The following FGD3 variants were observed in gnomAD, a reference collection of about 807,000 sequenced individuals.
FGD3 encodes FYVE, RhoGEF and PH domain-containing protein 3.
Under a neutral mutation model 71.8 loss-of-function variants are expected in FGD3, and 45 were observed. That is an observed-to-expected ratio of 0.63 (90% CI 0.49 to 0.80). The LOEUF (loss-of-function observed/expected upper bound fraction) is 0.80. FGD3 is among the 30% of genes least tolerant of loss of function. The probability of loss-of-function intolerance (pLI) is 0.00; values close to 1 mark genes in which losing one functional copy is unlikely to be tolerated. For missense variants in FGD3, 844 were observed against 951.5 expected, an observed-to-expected ratio of 0.89 and a Z score of 1.49; for synonymous variants, 378 against 392.8, an observed-to-expected ratio of 0.96 and a Z score of 0.44.
intron 1 of FGD3, among the ~76,000 whole-genome samples, chr9:92,964,695 A>G (rs752377467): frequency 3.3e-5 from 5 of 152,150 alleles, no homozygotes; most frequent in Non-Finnish European, 5.9e-5. Flanking sequence ...CCGTGTCCCC[A>G]TCGAAGGCTG....
chr9:92,985,272 C>G (rs1587831511), intron 3 of FGD3, among the ~76,000 whole-genome samples: 1 of 152,328 alleles, frequency 6.6e-6, no homozygotes, highest in African/African-American at 2.4e-5. Flanking sequence ...AGTAGTTAAG[C>G]CTGCCTCTGG....
chr9:92,961,176 T>C (rs1191265253), intron 1 of FGD3, among the ~76,000 whole-genome samples: 1 of 152,128 alleles, frequency 6.6e-6, no homozygotes, highest in African/African-American at 2.4e-5. Context: ...TGGGGGTCCC[T>C]GGGACAAAGC....
intron 6 of FGD3, among the ~76,000 whole-genome samples, chr9:93,008,731 A>G (rs1861171496): frequency 6.6e-6 from 1 of 152,220 alleles, no homozygotes; most frequent in Non-Finnish European, 1.5e-5. Context: ...TGGGAGGCCC[A>G]GGTGGGCGGA....
At chr9:92,964,323 G>A (rs1859236570) in intron 1 of FGD3, 1 of 152,244 alleles carries the variant, frequency 6.6e-6, no homozygotes. Flanking sequence ...GTTCAGCCCA[G>A]AGGAGAAACT....
At position 93,019,751 on chromosome 9, in the gene FGD3, G is replaced by A. The variant is rs371717817; in HGVS notation, c.1356-80G>A. 3.7e-6 allele frequency: 5 copies of A among 1,350,024 alleles called. No homozygotes were observed. In the African/African-American group the frequency reaches 7.2e-5, roughly 19 times the overall value. The allele number at this position is 1,350,024 out of a possible 1,614,324, so 83.6% of individuals were successfully genotyped here. A position where few individuals can be genotyped will look rare whatever the true frequency, so the allele number is the denominator to read the frequency against. On this transcript the variant is annotated intron_variant, in intron 11 of 17. Transcript: ENST00000375482. ...ACAAGCCAGTGCGTGGCTCGGGTGT[G>A]CTGCAGGGTTGAGAGAGGGCTGGTC...
At chr9:93,015,323 G>T (rs966062240) in intron 9 of FGD3, among the ~76,000 whole-genome samples, 1 of 152,134 alleles carries the variant, frequency 6.6e-6, no homozygotes, top group Non-Finnish European at 1.5e-5. Flanking sequence ...GGGCGTGGTA[G>T]CACCCGCCTG....
intron 1 of FGD3, among the ~76,000 whole-genome samples, chr9:92,951,661 C>T (rs1305097931): frequency 1.3e-5 from 2 of 152,126 alleles, no homozygotes; most frequent in African/African-American, 2.4e-5. Context: ...GGTGACAGAG[C>T]GAGACCCTGT....
At chr9:93,004,701 C>T (rs947513611) in intron 5 of FGD3, among the ~76,000 whole-genome samples, 1 of 152,052 alleles carries the variant, frequency 6.6e-6, no homozygotes, top group Admixed American at 6.5e-5. Context: ...TTCTGGGTGC[C>T]GCTGCTGTTT....
At chr9:93,000,827 C>T (rs1860832263) in intron 3 of FGD3, among the ~76,000 whole-genome samples, 1 of 152,164 alleles carries the variant, frequency 6.6e-6, no homozygotes, top group South Asian at 2.1e-4. Context: ...AAGTCCATTG[C>T]TTTCCTCAAA....
intron 1 of FGD3, among the ~76,000 whole-genome samples, chr9:92,956,559 A>T (rs1859053803): frequency 6.6e-6 from 1 of 152,220 alleles, no homozygotes; most frequent in Non-Finnish European, 1.5e-5. Context: ...ATGGCTGCCT[A>T]CAAGCCAGGG....
At chr9:92,987,115 T>C (rs549328863) in intron 3 of FGD3, among the ~76,000 whole-genome samples, 1 of 152,218 alleles carries the variant, frequency 6.6e-6, no homozygotes, top group South Asian at 2.1e-4. Flanking sequence ...TATGGGTTTT[T>C]GGAAAACAAC....
chr9:93,028,000 C>T (rs1368540757), intron 14 of FGD3, among the ~76,000 whole-genome samples: 6 of 152,004 alleles, frequency 3.9e-5, no homozygotes, highest in South Asian at 2.1e-4. Flanking sequence ...ATTACATGTG[C>T]GAGCCACTGC....
At chr9:92,960,130 CTGTGTCTT>C (rs937872871) in intron 1 of FGD3, among the ~76,000 whole-genome samples, 21 of 151,930 alleles carry the variant, frequency 1.4e-4, no homozygotes, top group African/African-American at 1.9e-4. Context: ...TGTCATGTCC[CTGTGTCTT>C]CATGTCTTCA....
intron 3 of FGD3, among the ~76,000 whole-genome samples, chr9:92,997,186 T>C (rs991389209): frequency 3.9e-5 from 6 of 152,232 alleles, no homozygotes; most frequent in African/African-American, 1.4e-4. Context: ...ATATTTAGGA[T>C]AGTTAGCTCT....
intron 3 of FGD3, among the ~76,000 whole-genome samples, chr9:92,990,846 T>C (rs1017148740): frequency 6.6e-6 from 1 of 152,212 alleles, no homozygotes; most frequent in Non-Finnish European, 1.5e-5. Flanking sequence ...GATTTTTTCA[T>C]CTATGTTCAT....
chr9:92,963,842 C>T (rs1859221659), intron 1 of FGD3: 2 of 152,226 alleles, frequency 1.3e-5, no homozygotes, highest in Admixed American at 6.5e-5. Context: ...TGCAGGGGGC[C>T]TCTTCACCTT....
At position 93,035,538 on chromosome 9, in the gene FGD3, C is replaced by G. The variant is rs1862565554; in HGVS notation, c.2127C>G (p.Asp709Glu). Residue 709 changes from aspartate (D) to glutamate (E), a missense_variant, in exon 18 of 18, where the codon GAC (aspartate) becomes GAG (glutamate). Asp to Glu is a conservative substitution (Grantham distance 45). Transcript: ENST00000375482. ...CTGCCCATGGGGACACGGCCCAGGA[C>G]AGCCCGGGGGCCCTGCAGCTTCAGG... Reference protein sequence around the residue: ...STAAHGDTAQDSPGALQLQVP... With the variant: ...STAAHGDTAQESPGALQLQVP... 1.9e-6 allele frequency: 3 copies of G among 1,610,022 alleles called. No homozygotes were observed. In the South Asian group the frequency reaches 3.3e-5, roughly 18 times the overall value.
intron 16 of FGD3, 144 bp from the exon 17 acceptor site, chr9:93,034,397 G>T (rs778775025): frequency 9.0e-7 from 1 of 1,110,900 alleles, no homozygotes; most frequent in Non-Finnish European, 1.3e-6. Flanking sequence ...GGGTGAGGCT[G>T]GTCCCAGTCT....
rs537637492 is a variant in FGD3 at position 92,962,256 on chromosome 9, C to A, written c.-217-12982C>A. 2.0e-5 allele frequency among the ~76,000 whole-genome samples: 3 copies of A among 152,324 alleles called. No individual in the cohort carries two copies. The East Asian group carries it at 5.8e-4, about 29-fold the overall frequency. On this transcript the variant is annotated intron_variant, in intron 1 of 17. Transcript: ENST00000375482. ...CCACAGCCAGCCTGCTGCTGTGCTG[C>A]CAGAATTTATCATGACCCTCTTAGG...
Sources: allele counts gnomAD v4.1 joint callset (sites outside exome capture counted in the v4.1 genomes callset), GRCh38; gene constraint gnomAD v4.1.1; transcripts MANE v1.5; gene names NCBI Gene and HGNC (gene_info 2026-07-23, HGNC 2026-07-21).